The following ANKRD6 variants were observed in gnomAD, a reference collection of about 807,000 sequenced individuals.
The protein encoded by ANKRD6 is ankyrin repeat domain-containing protein 6.
Under a neutral mutation model 82.3 loss-of-function variants are expected in ANKRD6, and 56 were observed. That is an observed-to-expected ratio of 0.68 (90% CI 0.55 to 0.85). ANKRD6 has a LOEUF of 0.85. Among genes scored for constraint, ANKRD6 ranks in the 40% least tolerant of loss-of-function variants. The pLI is 0.00. For missense variants in ANKRD6, 852 were observed against 907.6 expected (o/e 0.94, Z 0.79); for synonymous variants, 347 against 352.1 (o/e 0.99, Z 0.16).
At chr6:89,478,756 CAA>C (rs139491926) in intron 1 of ANKRD6, among the ~76,000 whole-genome samples, 11 of 107,962 alleles carry the variant, frequency 1.0e-4, no homozygotes, top group Admixed American at 1.9e-4. Context: ...GACTCTGTCT[CAA>C]AAAAAAAAAA....
intron 2 of ANKRD6, among the ~76,000 whole-genome samples, chr6:89,573,849 C>G (rs1249873838): frequency 6.6e-6 from 1 of 152,126 alleles, no homozygotes; most frequent in Non-Finnish European, 1.5e-5. Context: ...CCACTCTGCC[C>G]CTTGAAGGAC....
chr6:89,570,180 A>G (rs969825416), intron 2 of ANKRD6, among the ~76,000 whole-genome samples: 4 of 151,910 alleles, frequency 2.6e-5, no homozygotes, highest in African/African-American at 9.7e-5. Context: ...TCCTAGGTTC[A>G]AGCAATCCTC....
chr6:89,496,699 T>C (rs1403409057), intron 1 of ANKRD6, among the ~76,000 whole-genome samples: 3 of 152,106 alleles, frequency 2.0e-5, no homozygotes, highest in African/African-American at 7.2e-5. Flanking sequence ...ATTTTTTGTA[T>C]TTTTAGTAGA....
chr6:89,563,527 T>C (rs1377885213), intron 1 of ANKRD6, among the ~76,000 whole-genome samples: 1 of 152,176 alleles, frequency 6.6e-6, no homozygotes, highest in Non-Finnish European at 1.5e-5. Flanking sequence ...CAATGGGAAG[T>C]ATCTTGAATG....
Position 89,515,015 on chromosome 6 carries a change from T to G in ANKRD6, c.-143-51819T>G, listed in dbSNP as rs148126004. ...TTGGTGAAATTACCTTTTCAAACTC[T>G]GGAGCATTTTCCTATTAGATTATCT... On this transcript the variant is annotated intron_variant, in intron 1 of 15. Transcript: ENST00000339746. Among the ~76,000 whole-genome samples the G allele has an allele frequency of 2.6e-4, 39 of 152,350 alleles. No homozygotes were observed. In the East Asian group the frequency reaches 7.5e-3, roughly 29 times the overall value.
At chr6:89,542,193 T>C (rs1028906830) in intron 1 of ANKRD6, among the ~76,000 whole-genome samples, 1 of 152,220 alleles carries the variant, frequency 6.6e-6, no homozygotes, top group Non-Finnish European at 1.5e-5. Context: ...GTTTCTGTAT[T>C]TCGTGTACCT....
chr6:89,509,132 G>GCAGA (rs1780224479), intron 1 of ANKRD6: 1 of 152,308 alleles, frequency 6.6e-6, no homozygotes, highest in Non-Finnish European at 1.5e-5. Context: ...TTCCTTTGAA[G>GCAGA]TGCACCAGTG....
intron 1 of ANKRD6, among the ~76,000 whole-genome samples, chr6:89,462,147 G>T (rs536497226): frequency 6.6e-6 from 1 of 151,496 alleles, no homozygotes; most frequent in East Asian, 1.9e-4. Flanking sequence ...CAGGAGAATC[G>T]CTTGAACCCG....
intron 1 of ANKRD6, among the ~76,000 whole-genome samples, chr6:89,502,022 T>C (rs1237102008): frequency 6.6e-6 from 1 of 152,228 alleles, no homozygotes; most frequent in Non-Finnish European, 1.5e-5. Context: ...ATTAACACTT[T>C]CACCTAGCCT....
rs555039330 is a variant in ANKRD6 at position 89,487,046 on chromosome 6, G to C, written c.-144+53671G>C. ...TTCACTGAAAGGATGGTGCCGAAGA[G>C]TACAGGTCCTAGAGTTGGACCCTGT... On this transcript the variant is annotated intron_variant, in intron 1 of 15. Transcript: ENST00000339746. 3.4e-4 allele frequency among the ~76,000 whole-genome samples: 52 copies of C among 152,286 alleles called. No individual in the cohort carries two copies. The South Asian group carries it at 0.01, about 30-fold the overall frequency.
chr6:89,493,176 A>G (rs1447590415), intron 1 of ANKRD6, among the ~76,000 whole-genome samples: 2 of 152,198 alleles, frequency 1.3e-5, no homozygotes, highest in East Asian at 3.8e-4. Flanking sequence ...CAACAGAAAT[A>G]TATTCTCCCA....
At chr6:89,586,162 T>C (rs1318899637) in intron 2 of ANKRD6, among the ~76,000 whole-genome samples, 1 of 152,178 alleles carries the variant, frequency 6.6e-6, no homozygotes, top group Non-Finnish European at 1.5e-5. Context: ...AGAATAATAA[T>C]ACAGTGTGAT....
At chr6:89,579,292 T>G (rs1232906697) in intron 2 of ANKRD6, among the ~76,000 whole-genome samples, 1 of 152,214 alleles carries the variant, frequency 6.6e-6, no homozygotes, top group African/African-American at 2.4e-5. Flanking sequence ...TGCAAACTAC[T>G]TAGAACAGTG....
At chr6:89,447,756 T>G (rs1772276126) in intron 1 of ANKRD6, among the ~76,000 whole-genome samples, 1 of 152,130 alleles carries the variant, frequency 6.6e-6, no homozygotes, top group African/African-American at 2.4e-5. Context: ...TGGTGTGATG[T>G]CGGGTCACTG....
intron 1 of ANKRD6, among the ~76,000 whole-genome samples, chr6:89,476,271 C>T (rs1172671229): frequency 6.6e-6 from 1 of 151,998 alleles, no homozygotes; most frequent in South Asian, 2.1e-4. Context: ...CTGCAACCTC[C>T]GCCTCCTGGG....
At chr6:89,629,387 G>T (rs1335784514) in intron 15 of ANKRD6, 149 bp downstream of exon 15, 1 of 1,141,402 alleles carries the variant, frequency 8.8e-7, no homozygotes. Context: ...ACTGTATTTT[G>T]CTCGTAACCA....
At chr6:89,455,183 G>A (rs532138751) in intron 1 of ANKRD6, among the ~76,000 whole-genome samples, 7 of 150,094 alleles carry the variant, frequency 4.7e-5, no homozygotes, top group Middle Eastern at 3.4e-3. Flanking sequence ...TGTGTTTTCC[G>A]TCTGTATTAG....
intron 2 of ANKRD6, among the ~76,000 whole-genome samples, chr6:89,571,783 A>G (rs1412268628): frequency 6.6e-6 from 1 of 152,174 alleles, no homozygotes; most frequent in African/African-American, 2.4e-5. Context: ...ATTATCACCC[A>G]AAGTCCATAG....
chr6:89,615,803 T>G (rs1028119833), intron 7 of ANKRD6, among the ~76,000 whole-genome samples: 3 of 152,246 alleles, frequency 2.0e-5, no homozygotes, highest in African/African-American at 7.2e-5. Context: ...ATTTATATCA[T>G]TGTGTTTGGA....
Sources: allele counts gnomAD v4.1 joint callset (sites outside exome capture counted in the v4.1 genomes callset), GRCh38; gene constraint gnomAD v4.1.1; transcripts MANE v1.5; gene names NCBI Gene and HGNC (gene_info 2026-07-23, HGNC 2026-07-21).